Variants in GALNT14 observed in about 807,000 individuals in gnomAD.
GALNT14 encodes the protein UDP-GalNAc:polypeptide N-acetylgalactosaminyltransferase 14.
In GALNT14, 60 loss-of-function variants were observed where a neutral mutation model predicts 77.5. That is an observed-to-expected ratio of 0.77 (90% CI 0.63 to 0.96). The LOEUF (loss-of-function observed/expected upper bound fraction) is 0.96, where lower values mean the gene tolerates loss of function less well. Among genes scored for constraint, GALNT14 ranks in the 40% least tolerant of loss-of-function variants. The probability of loss-of-function intolerance (pLI) is 0.00; values close to 1 mark genes in which losing one functional copy is unlikely to be tolerated. For synonymous variants in GALNT14, 280 were observed against 281.7 expected, an observed-to-expected ratio of 0.99 and a Z score of 0.06; for missense variants, 710 against 731.0, an observed-to-expected ratio of 0.97 and a Z score of 0.33.
rs78899894 is a variant in GALNT14 at position 30,931,881 on chromosome 2, C to T, written c.1058+187G>A. Among the ~76,000 whole-genome samples the T allele has an allele frequency of 0.12, 18,678 of 151,920 alleles. 1,489 individuals carry two copies. Among genetic ancestry groups the T allele is most frequent in the Non-Finnish European group, 0.17 (11,336 of 67,908 alleles). On this transcript the variant is annotated intron_variant, in intron 10 of 14. Transcript: ENST00000349752. ...ATTAGGGAAGCCTCAGGCCCTAACA[C>T]TGGATGTGACAGGCCTGCCTTCCCT... is the stretch of plus-strand genomic sequence containing the variant.
intron 6 of GALNT14, among the ~76,000 whole-genome samples, chr2:30,953,876 C>T (rs911485533): frequency 1.3e-5 from 2 of 152,154 alleles, no homozygotes; most frequent in African/African-American, 4.8e-5. Context: ...ATAACACCTC[C>T]CCATGGCATC....
At chr2:30,917,076 C>CAAAAAAAAAA (rs529653696) in intron 13 of GALNT14, among the ~76,000 whole-genome samples, 1,430 of 19,906 alleles carry the variant, frequency 0.072, 242 homozygotes, top group East Asian at 0.11. Flanking sequence ...GACTCCGTCT[C>CAAAAAAAAAA]AAAAAAAAAA....
At chr2:31,003,936 G>A (rs1670512390) in intron 1 of GALNT14, among the ~76,000 whole-genome samples, 1 of 152,250 alleles carries the variant, frequency 6.6e-6, no homozygotes, top group Admixed American at 6.5e-5. Flanking sequence ...GTGCCAGGAA[G>A]CGTGAGCTCT....
intron 1 of GALNT14, among the ~76,000 whole-genome samples, chr2:31,124,100 G>A (rs766417132): frequency 8.5e-5 from 13 of 152,146 alleles, no homozygotes; most frequent in East Asian, 1.9e-4. Flanking sequence ...TGGGTTTGCC[G>A]GATGTTCGGA....
intron 1 of GALNT14, among the ~76,000 whole-genome samples, chr2:31,082,478 A>G (rs1676203681): frequency 6.6e-6 from 1 of 152,240 alleles, no homozygotes; most frequent in Non-Finnish European, 1.5e-5. Context: ...AGATGCTTGG[A>G]GAAAGCCAGT....
chr2:31,128,052 C>A (rs1678783086), intron 1 of GALNT14, among the ~76,000 whole-genome samples: 2 of 152,252 alleles, frequency 1.3e-5, no homozygotes, highest in South Asian at 4.1e-4. Flanking sequence ...ACAAAAACAC[C>A]ACCATGGGCC....
chr2:31,088,302 C>T (rs1676556979), intron 1 of GALNT14, among the ~76,000 whole-genome samples: 1 of 152,150 alleles, frequency 6.6e-6, no homozygotes, highest in South Asian at 2.1e-4. Context: ...GATGGAAGAA[C>T]AGGGTAGATT....
At chr2:31,027,262 C>T (rs146774056) in intron 1 of GALNT14, among the ~76,000 whole-genome samples, 6 of 152,220 alleles carry the variant, frequency 3.9e-5, no homozygotes, top group African/African-American at 1.4e-4. Flanking sequence ...TGAAACCTCA[C>T]ATCTATTAAA....
chr2:30,900,288 T>C, the GALNT14 span, among the ~76,000 whole-genome samples: 1 of 152,344 alleles, frequency 6.6e-6, no homozygotes, highest in Middle Eastern at 3.4e-3. Flanking sequence ...AAGACTTCCA[T>C]TACTGATAGT....
chr2:30,926,755 T>C (rs973920785), intron 11 of GALNT14, among the ~76,000 whole-genome samples: 1 of 120,956 alleles, frequency 8.3e-6, no homozygotes, highest in Non-Finnish European at 1.8e-5. Context: ...GGGCCGGGGG[T>C]GGGAGAAGAC....
chr2:31,105,785 C>T (rs2194464), intron 1 of GALNT14, among the ~76,000 whole-genome samples: 62,472 of 151,650 alleles, frequency 0.41, 13,242 homozygotes, highest in Middle Eastern at 0.46. Flanking sequence ...GCACTCATTG[C>T]TACTGGAGTT....
chr2:31,079,120 C>T, intron 1 of GALNT14: 2 of 1,172,308 alleles, frequency 1.7e-6, no homozygotes, highest in South Asian at 3.0e-5. Flanking sequence ...CATAGGTGAC[C>T]ACACCTTTGG....
chr2:30,897,245 G>T, the GALNT14 span, among the ~76,000 whole-genome samples: 1 of 152,090 alleles, frequency 6.6e-6, no homozygotes, highest in Non-Finnish European at 1.5e-5. Context: ...GACGCAGCTG[G>T]GCCAGGTGTC....
At chr2:30,900,827 A>T in the GALNT14 span, among the ~76,000 whole-genome samples, 17 of 152,252 alleles carry the variant, frequency 1.1e-4, no homozygotes, top group Non-Finnish European at 1.9e-4. Flanking sequence ...TTTAACACCC[A>T]GTCAGGGGCA....
intron 1 of GALNT14, among the ~76,000 whole-genome samples, chr2:31,097,860 AAC>A (rs1299464171): frequency 6.6e-6 from 1 of 152,122 alleles, no homozygotes; most frequent in Non-Finnish European, 1.5e-5. Context: ...TGGCACTCAG[AAC>A]CTCAGCTTCT....
chr2:31,008,529 C>T (rs917966639), intron 1 of GALNT14, among the ~76,000 whole-genome samples: 4 of 152,174 alleles, frequency 2.6e-5, no homozygotes, highest in Non-Finnish European at 4.4e-5. Flanking sequence ...ATGGCTCCCC[C>T]CAGCCTTGCT....
chr2:31,045,939 T>C (rs1673425299), intron 1 of GALNT14, among the ~76,000 whole-genome samples: 1 of 152,198 alleles, frequency 6.6e-6, no homozygotes, highest in African/African-American at 2.4e-5. Flanking sequence ...TATCATCCTG[T>C]TACCACTGCT....
At chr2:30,963,364 C>T (rs750680077) in intron 3 of GALNT14, among the ~76,000 whole-genome samples, 1 of 152,204 alleles carries the variant, frequency 6.6e-6, no homozygotes, top group African/African-American at 2.4e-5. Flanking sequence ...CAGGATGAGG[C>T]TCCAACTGGA....
At chr2:30,906,670 G>T (rs1408561100), downstream of GALNT14, among the ~76,000 whole-genome samples, 3 of 151,798 alleles carry the variant, frequency 2.0e-5, no homozygotes, top group Admixed American at 2.0e-4. Context: ...AGTCAACAAG[G>T]ATACCCAGGA....
Sources: gnomAD v4.1 joint callset for allele counts (sites outside exome capture counted in the v4.1 genomes callset) on GRCh38, gnomAD v4.1.1 for gene constraint, MANE v1.5 for transcripts, NCBI Gene and HGNC (gene_info 2026-07-23, HGNC 2026-07-21) for gene names.